SND1: variants seen among roughly 807,000 people sequenced by gnomAD.
SND1 encodes the protein staphylococcal nuclease and tudor domain containing 1.
Under a neutral mutation model 121.7 loss-of-function variants are expected in SND1, and 38 were observed. The observed-to-expected ratio is 0.31, with a 90% CI of 0.24 to 0.41. The LOEUF is 0.41. Ranked by LOEUF, SND1 falls within the 10% of genes least tolerant of loss-of-function variation. The pLI, the probability that SND1 is intolerant of heterozygous loss-of-function variation, is 1.00. For synonymous variants in SND1, 401 were observed against 447.4 expected, an observed-to-expected ratio of 0.90 and a Z score of 1.31; for missense variants, 868 against 1,184.6, an observed-to-expected ratio of 0.73 and a Z score of 3.92.
intron 11 of SND1, among the ~76,000 whole-genome samples, chr7:127,815,682 TG>T (rs962826123): frequency 1.3e-5 from 2 of 152,140 alleles, no homozygotes; most frequent in African/African-American, 4.8e-5. Flanking sequence ...GATACCTCCC[TG>T]GGGCCTTTAG....
intron 10 of SND1, among the ~76,000 whole-genome samples, chr7:127,729,142 G>T (rs770575563): frequency 6.6e-6 from 1 of 152,060 alleles, no homozygotes; most frequent in Non-Finnish European, 1.5e-5. Context: ...GATTTTAAGT[G>T]CTTTTGAAGA....
intron 10 of SND1, among the ~76,000 whole-genome samples, chr7:127,788,702 T>C (rs987355977): frequency 6.6e-6 from 1 of 152,224 alleles, no homozygotes; most frequent in Non-Finnish European, 1.5e-5. Flanking sequence ...TTGTCATATC[T>C]TCCTTCTTCA....
intron 15 of SND1, among the ~76,000 whole-genome samples, chr7:127,950,594 T>A (rs1801439978): frequency 6.6e-6 from 1 of 152,218 alleles, no homozygotes; most frequent in Admixed American, 6.5e-5. Flanking sequence ...ATACTGTACA[T>A]GACTTTCCCT....
At chr7:127,867,887 T>C (rs1182023254) in intron 12 of SND1, among the ~76,000 whole-genome samples, 2 of 125,690 alleles carry the variant, frequency 1.6e-5, no homozygotes, top group African/African-American at 6.3e-5. Flanking sequence ...CTGGTTCTCA[T>C]TCACCATTCC....
In SND1 at chr7:127,850,554, G is replaced by C. The variant is rs374842825; in HGVS notation, c.1343+6130G>C. 5.9e-5 allele frequency among the ~76,000 whole-genome samples: 9 copies of C among 152,138 alleles called. No individual in the cohort carries two copies. In the East Asian group the frequency reaches 7.7e-4, roughly 13 times the overall value. On this transcript the variant is annotated intron_variant, in intron 12 of 23. Transcript: ENST00000354725. ...ATTGATGACTTACGCTTTAATCATA[G>C]TCAATGAAAAGAACTGCTGAGCCCC...
intron 12 of SND1, among the ~76,000 whole-genome samples, chr7:127,856,119 G>C (rs1478695825): frequency 6.6e-6 from 1 of 152,180 alleles, no homozygotes; most frequent in Non-Finnish European, 1.5e-5. Context: ...ATAAGTACTT[G>C]CATACAGGTA....
chr7:127,998,795 T>G (rs1452140655), intron 16 of SND1: 1 of 152,260 alleles, frequency 6.6e-6, no homozygotes, highest in Non-Finnish European at 1.5e-5. Context: ...CCCTGACTAC[T>G]GGGCTTCCTC....
chr7:127,972,725 A>G (rs1802026708), intron 15 of SND1, among the ~76,000 whole-genome samples: 1 of 152,108 alleles, frequency 6.6e-6, no homozygotes. Flanking sequence ...GATTACAGGT[A>G]TGCACTATCA....
Position 127,865,588 on chromosome 7 carries a change from A to AT in SND1, c.1343+21174dup, listed in dbSNP as rs961128952. ...TCTAAGGGACTGTCTTGATTCTGTA[A>AT]TTTTTTTTTTCTCCTTTGTGGTTTT... On this transcript the variant is annotated intron_variant, in intron 12 of 23. Transcript: ENST00000354725. Among the ~76,000 whole-genome samples the AT allele has an allele frequency of 8.7e-5, 13 of 149,522 alleles. No individual in the cohort carries two copies. In the East Asian group the frequency reaches 1.2e-3, roughly 14 times the overall value.
At chr7:127,850,483 G>C (rs1041612885) in intron 12 of SND1, among the ~76,000 whole-genome samples, 1 of 152,198 alleles carries the variant, frequency 6.6e-6, no homozygotes, top group Non-Finnish European at 1.5e-5. Flanking sequence ...CAGTGGCTCT[G>C]CCGGGAGGTA....
intron 14 of SND1, among the ~76,000 whole-genome samples, chr7:127,915,575 A>G (rs1341242222): frequency 6.6e-6 from 1 of 152,222 alleles, no homozygotes; most frequent in Non-Finnish European, 1.5e-5. Flanking sequence ...AAGAATGCTG[A>G]GTGTTGAGAA....
intron 16 of SND1, among the ~76,000 whole-genome samples, chr7:128,014,524 T>G (rs1248852385): frequency 4.6e-5 from 7 of 152,176 alleles, no homozygotes; most frequent in Non-Finnish European, 8.8e-5. Context: ...ACTGCTGGCC[T>G]CCCTTTCCCA....
In SND1 at chr7:128,081,517, G is replaced by A. The variant is rs754147302; in HGVS notation, c.2110+16G>A. 43 of 1,612,380 alleles carry A rather than the reference G, an allele frequency of 2.7e-5. No individual in the cohort carries two copies. Among genetic ancestry groups the A allele is most frequent in the East Asian group, 4.5e-5 (2 of 44,858 alleles). On this transcript the variant is annotated intron_variant, in intron 18 of 23. Transcript: ENST00000354725. ...GTGGAGACCGGTGAGTGCTCAGGCCGCTGGCTCGTGGTTCCTGGCTTGGTC... is the reference window on the plus strand; with the variant it reads ...GTGGAGACCGGTGAGTGCTCAGGCCACTGGCTCGTGGTTCCTGGCTTGGTC...
intron 16 of SND1, chr7:128,042,220 C>T (rs1562879784): frequency 1.3e-5 from 2 of 152,224 alleles, no homozygotes; most frequent in Non-Finnish European, 2.9e-5. Flanking sequence ...TGAGCAGTGT[C>T]TGAGATGGAC....
intron 10 of SND1, among the ~76,000 whole-genome samples, chr7:127,762,490 C>T (rs1797322149): frequency 6.6e-6 from 1 of 152,166 alleles, no homozygotes. Flanking sequence ...CTGTAATGGC[C>T]TCATTTAAAT....
chr7:128,023,909 G>T (rs1803416247), intron 16 of SND1, among the ~76,000 whole-genome samples: 1 of 152,096 alleles, frequency 6.6e-6, no homozygotes, highest in Non-Finnish European at 1.5e-5. Flanking sequence ...CACAATCTGT[G>T]AAGTACTGAG....
chr7:127,993,435 CAG>C (rs1802565655), intron 16 of SND1, among the ~76,000 whole-genome samples: 1 of 152,258 alleles, frequency 6.6e-6, no homozygotes, highest in Non-Finnish European at 1.5e-5. Context: ...CCGCCCTCAG[CAG>C]AAGTCCTGAG....
chr7:127,894,019 C>G (rs1800066804), intron 13 of SND1, among the ~76,000 whole-genome samples: 1 of 152,144 alleles, frequency 6.6e-6, no homozygotes, highest in African/African-American at 2.4e-5. Context: ...GTGTTTGAAC[C>G]TGTAGGAAAT....
intron 12 of SND1, among the ~76,000 whole-genome samples, chr7:127,857,396 G>A (rs1799298489): frequency 6.8e-6 from 1 of 147,876 alleles, no homozygotes; most frequent in Non-Finnish European, 1.5e-5. Context: ...GCAGAGACGG[G>A]GTTTCACCAT....
Sources: gnomAD v4.1 joint callset for allele counts (sites outside exome capture counted in the v4.1 genomes callset) on GRCh38, gnomAD v4.1.1 for gene constraint, MANE v1.5 for transcripts, NCBI Gene and HGNC (gene_info 2026-07-23, HGNC 2026-07-21) for gene names.